CPHXL2: variants seen among roughly 807,000 people sequenced by gnomAD.
The protein encoded by CPHXL2 is cytoplasmic polyadenylated homeobox-like protein 2.
At chr16:75,662,991 G>A in the CPHXL2 span, among the ~76,000 whole-genome samples, 385 of 152,030 alleles carry the variant, frequency 2.5e-3, 1 homozygote, top group Middle Eastern at 6.8e-3. Context: ...TAGTAGAGAC[G>A]GGGTTTCACC....
the CPHXL2 span, among the ~76,000 whole-genome samples, chr16:75,673,497 T>A: frequency 2.0e-5 from 3 of 151,992 alleles, no homozygotes; most frequent in Non-Finnish European, 2.9e-5. Context: ...AGATATCAGT[T>A]TAATTTCATC....
chr16:75,668,572 G>A, the CPHXL2 span, among the ~76,000 whole-genome samples: 1 of 152,172 alleles, frequency 6.6e-6, no homozygotes, highest in South Asian at 2.1e-4. Context: ...CTCTCAAATT[G>A]GTTCTGGATA....
chr16:75,672,145 G>A, the CPHXL2 span, among the ~76,000 whole-genome samples: 3 of 151,922 alleles, frequency 2.0e-5, no homozygotes, highest in African/African-American at 7.3e-5. Flanking sequence ...TGGTCATGGT[G>A]GCGGGTGCCT....
At chr16:75,661,496 G>A in the CPHXL2 span, among the ~76,000 whole-genome samples, 2 of 151,756 alleles carry the variant, frequency 1.3e-5, no homozygotes, top group African/African-American at 4.8e-5. Flanking sequence ...TGACACCATG[G>A]TTTACGTGTA....
the CPHXL2 span, chr16:75,669,231 A>G: frequency 2.5e-6 from 1 of 392,204 alleles, no homozygotes; most frequent in Non-Finnish European, 4.5e-6. Flanking sequence ...TTGGGGAGTC[A>G]CCTGAGCCCA....
At chr16:75,665,457 C>A in the CPHXL2 span, among the ~76,000 whole-genome samples, 2 of 152,192 alleles carry the variant, frequency 1.3e-5, no homozygotes, top group Admixed American at 6.5e-5. Context: ...ACTACCAAGC[C>A]ACACTACGAG....
the CPHXL2 span, among the ~76,000 whole-genome samples, chr16:75,667,352 A>C: frequency 6.6e-6 from 1 of 152,016 alleles, no homozygotes; most frequent in African/African-American, 2.4e-5. Context: ...TTAGTAATGA[A>C]ATTACTTACA....
At chr16:75,667,284 C>T in the CPHXL2 span, among the ~76,000 whole-genome samples, 44 of 147,960 alleles carry the variant, frequency 3.0e-4, no homozygotes, top group Non-Finnish European at 3.7e-4. Context: ...TGTACTCCAG[C>T]CTGGGCGACA....
chr16:75,675,533 T>A, the CPHXL2 span, among the ~76,000 whole-genome samples: 276 of 152,092 alleles, frequency 1.8e-3, no homozygotes, highest in Non-Finnish European at 3.0e-3. Flanking sequence ...GGAACAAAAA[T>A]TCACCGAAGA....
At chr16:75,664,858 G>T in the CPHXL2 span, among the ~76,000 whole-genome samples, 5 of 152,100 alleles carry the variant, frequency 3.3e-5, no homozygotes, top group Admixed American at 3.3e-4. Context: ...CAGCCACCTT[G>T]CCATGTGATA....
the CPHXL2 span, among the ~76,000 whole-genome samples, chr16:75,664,625 CAAAAAA>C: frequency 4.4e-5 from 5 of 113,058 alleles, no homozygotes; most frequent in South Asian, 9.0e-4. Flanking sequence ...AACTCCATCT[CAAAAAA>C]AAAAAAAAAA....
At chr16:75,663,797 A>C in the CPHXL2 span, among the ~76,000 whole-genome samples, 1 of 151,068 alleles carries the variant, frequency 6.6e-6, no homozygotes, top group African/African-American at 2.4e-5. Context: ...GAGGCAGGAG[A>C]ATGGCATGAA....
the CPHXL2 span, among the ~76,000 whole-genome samples, chr16:75,665,406 G>C: frequency 6.6e-6 from 1 of 152,182 alleles, no homozygotes; most frequent in Non-Finnish European, 1.5e-5. Flanking sequence ...ATGAAGAAAA[G>C]ATATAGTCTT....
the CPHXL2 span, chr16:75,661,293 G>A: frequency 2.5e-6 from 1 of 400,398 alleles, no homozygotes; most frequent in African/African-American, 2.0e-5. Flanking sequence ...CTACTTCTCT[G>A]ATTATATGCC....
chr16:75,665,106 C>A, the CPHXL2 span, among the ~76,000 whole-genome samples: 1 of 152,200 alleles, frequency 6.6e-6, no homozygotes, highest in Non-Finnish European at 1.5e-5. Context: ...AAGCAAGTGC[C>A]TGCTTTCATA....
At chr16:75,665,864 C>A in the CPHXL2 span, among the ~76,000 whole-genome samples, 1 of 152,148 alleles carries the variant, frequency 6.6e-6, no homozygotes, top group Admixed American at 6.5e-5. Flanking sequence ...GACTCTGTCC[C>A]AACAAACCAA....
At chr16:75,665,928 A>G in the CPHXL2 span, among the ~76,000 whole-genome samples, 1 of 152,212 alleles carries the variant, frequency 6.6e-6, no homozygotes, top group Non-Finnish European at 1.5e-5. Context: ...AGTACCTCAC[A>G]TCTCAATACT....
the CPHXL2 span, among the ~76,000 whole-genome samples, chr16:75,675,832 A>C: frequency 6.6e-6 from 1 of 152,152 alleles, no homozygotes; most frequent in Non-Finnish European, 1.5e-5. Context: ...TAATCCCAGC[A>C]CTTTGGGAGA....
chr16:75,673,084 A>AAAAC, the CPHXL2 span, among the ~76,000 whole-genome samples: 1 of 150,832 alleles, frequency 6.6e-6, no homozygotes, highest in African/African-American at 2.4e-5. Context: ...TCAAAAAAAA[A>AAAAC]AAAAAAAAAA....
Sources: gnomAD v4.1 joint callset for allele counts (sites outside exome capture counted in the v4.1 genomes callset) on GRCh38, gnomAD v4.1.1 for gene constraint, MANE v1.5 for transcripts, NCBI Gene and HGNC (gene_info 2026-07-23, HGNC 2026-07-21) for gene names.